Variants in FRMPD3 observed in about 807,000 individuals in gnomAD.
FRMPD3 encodes the protein FERM and PDZ domain-containing protein 3.
A neutral mutation model predicts 97.9 loss-of-function variants in FRMPD3; 42 were observed. That is an observed-to-expected ratio of 0.43 (90% CI 0.34 to 0.55). The LOEUF (loss-of-function observed/expected upper bound fraction) is 0.55, where lower values mean the gene tolerates loss of function less well. Among genes scored for constraint, FRMPD3 ranks in the 20% least tolerant of loss-of-function variants. The pLI, the probability that FRMPD3 is intolerant of heterozygous loss-of-function variation, is 0.03. For synonymous variants in FRMPD3, 577 were observed against 581.1 expected (o/e 0.99, Z 0.10); for missense variants, 1,303 against 1,457.7 (o/e 0.89, Z 1.73).
At chrX:107,507,588 C>T (rs968377780) in intron 1 of FRMPD3, among the ~76,000 whole-genome samples, 3 of 112,539 alleles carry the variant, frequency 2.7e-5, no homozygotes, top group Admixed American at 9.3e-5. Context: ...CTGGCCTGCC[C>T]TCCGGTAGGG....
chrX:107,451,925 C>A (rs1334626926), intron 1 of FRMPD3, among the ~76,000 whole-genome samples: 1 of 111,540 alleles, frequency 9.0e-6, no homozygotes, highest in Non-Finnish European at 1.9e-5. Flanking sequence ...CCTGCTCCTG[C>A]CCCTCCCGTC....
intron 1 of FRMPD3, among the ~76,000 whole-genome samples, chrX:107,526,223 G>A (rs751435355): frequency 1.1e-3 from 123 of 111,998 alleles, no homozygotes; most frequent in African/African-American, 3.8e-3. Context: ...TTTCCTTTAC[G>A]GAGTTAATAG....
At chrX:107,494,620 C>A (rs937267417) in intron 1 of FRMPD3, among the ~76,000 whole-genome samples, 3 of 111,144 alleles carry the variant, frequency 2.7e-5, no homozygotes, top group Non-Finnish European at 5.7e-5. Context: ...GCTATAATTT[C>A]TTGAGCAGTT....
In FRMPD3 at chrX:107,603,062, C is replaced by A; in HGVS notation, c.5023C>A (p.Arg1675=). The A allele has an allele frequency of 8.3e-7, 1 of 1,210,964 alleles. No individual in the cohort carries two copies. Among genetic ancestry groups the A allele is most frequent in the East Asian group, 3.0e-5 (1 of 33,842 alleles). The stretch of plus-strand genomic sequence containing the variant: ...GAGCAGCCTCATTGAGACCTTCGTG[C>A]GGCTGGTGTTCATTGTGCGCTCCGA... ...VLSSLIETFV[R]LVFIVRSEAQ... The change falls in exon 15 of 15, where the codon CGG becomes AGG. Residue 1675 remains arginine (R), a synonymous_variant. Coordinates refer to ENST00000683843, the MANE Select transcript of FRMPD3 (RefSeq NM_001388459.1).
At chrX:107,545,653 A>G in intron 4 of FRMPD3, 84 bp from the exon 5 acceptor site, 1 of 716,508 alleles carries the variant, frequency 1.4e-6, no homozygotes, top group Admixed American at 2.5e-5. Context: ...GTGTACCTGT[A>G]CTGGGACATC....
At chrX:107,456,954 C>A (rs1193483500) in intron 1 of FRMPD3, among the ~76,000 whole-genome samples, 1 of 111,809 alleles carries the variant, frequency 8.9e-6, no homozygotes, top group Admixed American at 9.5e-5. Context: ...GACCAGTTAG[C>A]CGGTTGTTAC....
In FRMPD3 at chrX:107,548,471, G is replaced by A. The variant is rs192593669; in HGVS notation, c.403-1578G>A. ...TGGGATGAGAGTGATCATTCAGTAAGTGCACATCAAGCACCTACTGCCCAT... is the reference window on the plus strand; with the variant it reads ...TGGGATGAGAGTGATCATTCAGTAAATGCACATCAAGCACCTACTGCCCAT... On this transcript the variant is annotated intron_variant, in intron 5 of 14. Coordinates refer to ENST00000683843, the MANE Select transcript of FRMPD3 (RefSeq NM_001388459.1). Among the ~76,000 whole-genome samples, 692 of 112,299 alleles carry A rather than the reference G, an allele frequency of 6.2e-3. 1 individual carries two copies. The highest frequency in any genetic ancestry group is 9.3e-3 in the Non-Finnish European group (495 of 53,290).
chrX:107,547,446 A>AC (rs1183077817), intron 5 of FRMPD3, among the ~76,000 whole-genome samples: 1 of 110,436 alleles, frequency 9.1e-6, no homozygotes, highest in African/African-American at 3.3e-5. Flanking sequence ...GGTTACAGGC[A>AC]CAGCTAGTCT....
At chrX:107,484,172 A>G (rs1921446313) in intron 1 of FRMPD3, among the ~76,000 whole-genome samples, 1 of 111,933 alleles carries the variant, frequency 8.9e-6, no homozygotes, top group Admixed American at 9.4e-5. Flanking sequence ...ACAGGCCCAA[A>G]GCTTCCAAAT....
In FRMPD3 at chrX:107,602,056, A is replaced by G. The variant is rs1263813765; in HGVS notation, c.4017A>G (p.Pro1339=). 3.5e-5 allele frequency: 42 copies of G among 1,192,290 alleles called. No homozygotes were observed. Among genetic ancestry groups the G allele is most frequent in the Non-Finnish European group, 4.5e-5 (40 of 886,181 alleles). Residue 1339 remains proline, a synonymous_variant, in exon 15 of 15, where the codon CCA becomes CCG. Transcript: ENST00000683843. ...GCCAGAGGCAGCCAGAGGCTGGCCC[A>G]GGCGTGAGCCTCAGCAGCCCCATCA... ...LPSQRQPEAG[P]GVSLSSPINV... is the part of the protein sequence containing the mutation.
intron 13 of FRMPD3, among the ~76,000 whole-genome samples, chrX:107,582,321 T>C (rs5962402): frequency 0.17 from 18,743 of 110,731 alleles, 3,415 homozygotes; most frequent in African/African-American, 0.54. Flanking sequence ...GTAGCTGGGA[T>C]TACAGGCATG....
intron 1 of FRMPD3, among the ~76,000 whole-genome samples, chrX:107,481,592 G>A: frequency 8.9e-6 from 1 of 111,936 alleles, no homozygotes; most frequent in Non-Finnish European, 1.9e-5. Flanking sequence ...GAGGGAGAGA[G>A]AGAGCAAGAG....
At position 107,545,720 on chromosome X, in the gene FRMPD3, C is replaced by G. The variant is rs759479971; in HGVS notation, c.298-17C>G. The G allele has an allele frequency of 1.9e-5, 23 of 1,182,043 alleles. No homozygotes were observed. In the South Asian group the frequency reaches 3.9e-4, roughly 20 times the overall value. On this transcript the variant is annotated splice_polypyrimidine_tract_variant and intron_variant, in intron 4 of 14. Coordinates refer to ENST00000683843, the MANE Select transcript of FRMPD3 (RefSeq NM_001388459.1). ...CCTAGATATGGAGAACTCACCATCT[C>G]TCTGTTCTTTTTCCAGTCCCCCAAA...
chrX:107,542,706 G>C (rs1002534198), intron 4 of FRMPD3, among the ~76,000 whole-genome samples: 3 of 112,551 alleles, frequency 2.7e-5, no homozygotes, highest in Non-Finnish European at 5.6e-5. Context: ...TTAGGGCCCT[G>C]CCCTCCTGTG....
intron 13 of FRMPD3, among the ~76,000 whole-genome samples, chrX:107,593,838 A>G (rs915655857): frequency 1.8e-5 from 2 of 112,030 alleles, no homozygotes; most frequent in East Asian, 5.5e-4. Flanking sequence ...TCTTTTGCTT[A>G]GGATTGCTTT....
intron 6 of FRMPD3, among the ~76,000 whole-genome samples, chrX:107,551,207 T>A (rs368177978): frequency 3.6e-5 from 4 of 111,318 alleles, no homozygotes; most frequent in African/African-American, 1.3e-4. Context: ...AGTCCCTGAA[T>A]GGAGAATTTT....
chrX:107,449,781 C>G lies in FRMPD3; in HGVS notation c.-232C>G. On this transcript the variant is annotated 5_prime_UTR_variant, in exon 1 of 15. Coordinates refer to ENST00000683843, the MANE Select transcript of FRMPD3 (RefSeq NM_001388459.1). The stretch of plus-strand genomic sequence containing the variant: ...CCGCAGCCCGCCGCCTGCGCGCCAG[C>G]TCCCCGCGTCCCGGGCCAGCTGCTG... Among the ~76,000 whole-genome samples the G allele has an allele frequency of 9.2e-6, 1 of 108,404 alleles. No homozygotes were observed. Among genetic ancestry groups the G allele is most frequent in the Non-Finnish European group, 1.9e-5 (1 of 51,712 alleles). 94.1% of individuals were successfully genotyped at this position (108,404 alleles called of 115,157 possible). A position where few individuals can be genotyped will look rare whatever the true frequency, so the allele number is the denominator to read the frequency against.
At chrX:107,514,672 C>T (rs1373938024) in intron 1 of FRMPD3, among the ~76,000 whole-genome samples, 6 of 109,252 alleles carry the variant, frequency 5.5e-5, no homozygotes, top group African/African-American at 1.0e-4. Flanking sequence ...ATTACAGGTG[C>T]GTGCCACCAC....
At chrX:107,477,451 C>G (rs1921229571) in intron 1 of FRMPD3, among the ~76,000 whole-genome samples, 1 of 112,573 alleles carries the variant, frequency 8.9e-6, no homozygotes, top group Non-Finnish European at 1.9e-5. Context: ...ATATTCCCAT[C>G]TGGATAGTTC....
Sources: allele counts gnomAD v4.1 joint callset (sites outside exome capture counted in the v4.1 genomes callset), GRCh38; gene constraint gnomAD v4.1.1; transcripts MANE v1.5; gene names NCBI Gene and HGNC (gene_info 2026-07-23, HGNC 2026-07-21).